The following HIRA variants were observed in gnomAD, a reference collection of about 807,000 sequenced individuals.
HIRA encodes protein HIRA.
A neutral mutation model predicts 126.6 loss-of-function variants in HIRA; 13 were observed. That is an observed-to-expected ratio of 0.10 (90% CI 0.07 to 0.16). The LOEUF (loss-of-function observed/expected upper bound fraction) is 0.16. HIRA is among the 10% of genes least tolerant of loss of function. HIRA has a pLI of 1.00. For missense variants in HIRA, 834 were observed against 1,314.4 expected, an observed-to-expected ratio of 0.63 and a Z score of 5.65; for synonymous variants, 511 against 520.0, an observed-to-expected ratio of 0.98 and a Z score of 0.24.
chr22:19,331,290 G>C lies in HIRA; in HGVS notation c.*150C>G. 6.4e-7 allele frequency: 1 copy of C among 1,573,318 alleles called. No homozygotes were observed. Among genetic ancestry groups the C allele is most frequent in the South Asian group, 1.1e-5 (1 of 88,230 alleles). Reference sequence around the variant, plus strand: ...CCAGGACACAGGGCACATCTGCCCAGGGAGCTGGGCTGGCGCTGGTGCAGG... The same window carrying C: ...CCAGGACACAGGGCACATCTGCCCACGGAGCTGGGCTGGCGCTGGTGCAGG... On this transcript the variant is annotated 3_prime_UTR_variant, in exon 25 of 25. Transcript: ENST00000263208.
intron 23 of HIRA, among the ~76,000 whole-genome samples, chr22:19,352,963 G>T (rs2088773610): frequency 6.6e-6 from 1 of 152,272 alleles, no homozygotes; most frequent in Non-Finnish European, 1.5e-5. Context: ...AGGCAAGCCT[G>T]TCCAGGGCAG....
At chr22:19,410,576 C>G in intron 2 of HIRA, 140 bp downstream of exon 2, 1 of 691,908 alleles carries the variant, frequency 1.4e-6, no homozygotes, top group Non-Finnish European at 2.6e-6. Context: ...TCAGATAACA[C>G]ATTATAACTG....
chr22:19,389,963 G>T (rs1273029878), intron 9 of HIRA, among the ~76,000 whole-genome samples: 4 of 150,092 alleles, frequency 2.7e-5, no homozygotes, highest in South Asian at 2.1e-4. Flanking sequence ...CTTCCAACTT[G>T]CTCTGCTTAT....
chr22:19,428,431 T>C (rs2089505213), intron 1 of HIRA, among the ~76,000 whole-genome samples: 1 of 152,182 alleles, frequency 6.6e-6, no homozygotes, highest in Non-Finnish European at 1.5e-5. Context: ...AATCACACAA[T>C]TTTATGGCCC....
rs530908549 is a variant in HIRA, at chr22:19,379,034, CT to C, written c.1416-969del. 1.4e-3 allele frequency among the ~76,000 whole-genome samples: 199 copies of C among 145,082 alleles called. 1 individual carries two copies. Among genetic ancestry groups the C allele is most frequent in the Admixed American group, 2.7e-3 (39 of 14,608 alleles). ...AGTGACGTTGACATTTTTTCTTTTT[CT>C]TTTTTTTTTTTGAGACAGAGTCTCT... On this transcript the variant is annotated intron_variant, in intron 13 of 24. Transcript: ENST00000263208.
chr22:19,333,978 CT>C (rs1158066793), intron 24 of HIRA, among the ~76,000 whole-genome samples: 23 of 146,488 alleles, frequency 1.6e-4, no homozygotes, highest in South Asian at 4.4e-4. Flanking sequence ...CTCTCATTTT[CT>C]TTTTTTTTTT....
Position 19,355,746 on chromosome 22 carries a change from G to A in HIRA, c.2561+14C>T, listed in dbSNP as rs782739313. ...ACTCTTCCAGGGAATAGGACTGGGG[G>A]TCAGCTTGCTTACCATGTGGAAAGT... On this transcript the variant is annotated intron_variant, in intron 21 of 24. Transcript: ENST00000263208. 4 of 1,580,080 alleles carry A rather than the reference G, an allele frequency of 2.5e-6. No individual in the cohort carries two copies. Among genetic ancestry groups the A allele is most frequent in the Non-Finnish European group, 3.5e-6 (4 of 1,149,438 alleles).
intron 24 of HIRA, among the ~76,000 whole-genome samples, chr22:19,343,570 C>T (rs2088654662): frequency 6.6e-6 from 1 of 151,952 alleles, no homozygotes; most frequent in Non-Finnish European, 1.5e-5. Context: ...CTCCAAAAAT[C>T]TACAACATCG....
At chr22:19,348,532 G>A (rs1287929556) in intron 24 of HIRA, among the ~76,000 whole-genome samples, 3 of 151,484 alleles carry the variant, frequency 2.0e-5, no homozygotes, top group Middle Eastern at 3.4e-3. Context: ...GTCTCACCCT[G>A]TCGCCTGGGC....
intron 15 of HIRA, among the ~76,000 whole-genome samples, chr22:19,367,054 C>T (rs1309919180): frequency 1.3e-5 from 2 of 152,184 alleles, no homozygotes; most frequent in African/African-American, 4.8e-5. Flanking sequence ...TGAGCCACTG[C>T]ACCTGGCCTT....
chr22:19,401,794 C>T (rs756381758), intron 5 of HIRA, among the ~76,000 whole-genome samples: 8 of 152,226 alleles, frequency 5.3e-5, no homozygotes, highest in Non-Finnish European at 8.8e-5. Flanking sequence ...CCTTGTTTTT[C>T]GGAGCGGCTC....
chr22:19,361,604 T>G, intron 16 of HIRA, 123 bp downstream of exon 16: 1 of 958,104 alleles, frequency 1.0e-6, no homozygotes, highest in Non-Finnish European at 1.6e-6. Context: ...AGGGGCTGCA[T>G]GTCTAAGCCA....
intron 5 of HIRA, among the ~76,000 whole-genome samples, chr22:19,399,487 T>C (rs1183768499): frequency 6.6e-6 from 1 of 152,206 alleles, no homozygotes; most frequent in South Asian, 2.1e-4. Flanking sequence ...CTACTATTAA[T>C]TGACCTAATT....
In HIRA at chr22:19,375,773, G is replaced by T. The variant is rs754812596; in HGVS notation, c.1633C>A (p.Pro545Thr). 4 of 1,614,156 alleles carry T rather than the reference G, an allele frequency of 2.5e-6. No homozygotes were observed. Among genetic ancestry groups the T allele is most frequent in the South Asian group, 1.1e-5 (1 of 91,084 alleles). ...NKDSMNATST[P>T]AALSPSVLTT... ...AACACAGAAGGTGACAATGCAGCAG[G>T]AGTAGAGGTAGCATTCATACTGGGG... Residue 545 changes from proline to threonine, a missense_variant, in exon 15 of 25, where the codon CCT becomes ACT. Physicochemically the swap from Pro to Thr is conservative, Grantham distance 38. Around this residue, in one of 5 missense-constraint regions of HIRA, gnomAD observed 468 missense variants for 574.2 expected, o/e 0.82. Transcript: ENST00000263208.
At chr22:19,344,452 C>T (rs1556008358) in intron 24 of HIRA, among the ~76,000 whole-genome samples, 1 of 152,094 alleles carries the variant, frequency 6.6e-6, no homozygotes, top group African/African-American at 2.4e-5. Context: ...CCAAGACTGG[C>T]TCATAAAGAA....
chr22:19,360,760 A>G (rs1480596949), intron 17 of HIRA, among the ~76,000 whole-genome samples: 1 of 152,260 alleles, frequency 6.6e-6, no homozygotes, highest in East Asian at 1.9e-4. Context: ...GTTTTGGATA[A>G]CCACATGCTT....
At chr22:19,344,537 C>G (rs1417454985) in intron 24 of HIRA, among the ~76,000 whole-genome samples, 1 of 152,112 alleles carries the variant, frequency 6.6e-6, no homozygotes, top group African/African-American at 2.4e-5. Flanking sequence ...AAAGAAAAGC[C>G]TAGGATCATA....
intron 1 of HIRA, among the ~76,000 whole-genome samples, chr22:19,430,444 G>A (rs1403277128): frequency 6.6e-6 from 1 of 152,204 alleles, no homozygotes; most frequent in Non-Finnish European, 1.5e-5. Context: ...AAAGCCACAT[G>A]TTAAAATATC....
At chr22:19,379,434 G>A (rs1293585477) in intron 13 of HIRA, among the ~76,000 whole-genome samples, 7 of 150,886 alleles carry the variant, frequency 4.6e-5, no homozygotes, top group Admixed American at 4.6e-4. Flanking sequence ...AGACCAGCCT[G>A]GCCAACATGG....
Sources: allele counts gnomAD v4.1 joint callset (sites outside exome capture counted in the v4.1 genomes callset), GRCh38; gene constraint gnomAD v4.1.1; regional missense constraint gnomAD v4.1.1; transcripts MANE v1.5; gene names NCBI Gene and HGNC (gene_info 2026-07-23, HGNC 2026-07-21).